FIS1: variants seen among roughly 807,000 people sequenced by gnomAD.
The protein encoded by FIS1 is mitochondrial fission 1 protein.
Under a neutral mutation model 21.6 loss-of-function variants are expected in FIS1, and 16 were observed. The ratio of observed to expected loss-of-function variants is 0.74; its 90% CI spans 0.50 to 1.12. The LOEUF (loss-of-function observed/expected upper bound fraction) is 1.12. Among genes scored for constraint, FIS1 ranks in the 50% most tolerant of loss-of-function variants. The pLI, the probability that FIS1 is intolerant of heterozygous loss-of-function variation, is 0.00. For synonymous variants in FIS1, 92 were observed against 82.2 expected, an observed-to-expected ratio of 1.12 and a Z score of -0.65; for missense variants, 198 against 190.9, an observed-to-expected ratio of 1.04 and a Z score of -0.22.
chr7:101,243,871 A>C, intron 2 of FIS1, 136 bp downstream of exon 2: 2 of 1,172,282 alleles, frequency 1.7e-6, no homozygotes, highest in Non-Finnish European at 2.3e-6. Flanking sequence ...CCAAAAGTTC[A>C]CTGGGAGACG....
intron 2 of FIS1, among the ~76,000 whole-genome samples, 155 bp downstream of exon 2, chr7:101,243,852 G>A (rs987395327): frequency 2.0e-5 from 3 of 152,172 alleles, no homozygotes; most frequent in Non-Finnish European, 4.4e-5. Context: ...AATGGTGGGC[G>A]GTAAGTAGCC....
rs776529563 is a variant in FIS1 at position 101,239,835 on chromosome 7, C to G, written c.430G>C (p.Gly144Arg). 1.1e-5 allele frequency: 17 copies of G among 1,596,516 alleles called. No individual in the cohort carries two copies. The highest frequency in any genetic ancestry group is 1.5e-5 in the Non-Finnish European group (17 of 1,171,470). ...LGVAGLAGLI[G>R]LAVSKSKS ...GATTTGGACTTGGACACAGCAAGTCCGATGAGTCCGGCCAGTCCCGCCACA... is the reference window on the plus strand; with the variant it reads ...GATTTGGACTTGGACACAGCAAGTCGGATGAGTCCGGCCAGTCCCGCCACA... Residue 144 changes from glycine (G) to arginine (R), a missense_variant, in exon 5 of 5, where the codon GGA becomes CGA. By Grantham distance (125) the Gly-to-Arg change is moderately radical (BLOSUM62 -2). Transcript: ENST00000223136.
At position 101,239,744 on chromosome 7, in the gene FIS1, G is replaced by A. The variant is rs1798708973; in HGVS notation, c.*62C>T. ...AGACGGGGGGCAGGGGGAGAACAGG[G>A]AAAGGACAGCGAGGATGGACAGGCC... On this transcript the variant is annotated 3_prime_UTR_variant, in exon 5 of 5. Coordinates refer to ENST00000223136, the MANE Select transcript of FIS1 (RefSeq NM_016068.3). 1.4e-6 allele frequency: 2 copies of A among 1,392,616 alleles called. No homozygotes were observed. The highest frequency in any genetic ancestry group is 1.4e-5 in the African/African-American group (1 of 70,148). The allele number at this position is 1,392,616 out of a possible 1,614,324, so 86.3% of individuals were successfully genotyped here.
chr7:101,244,807 G>A, intron 1 of FIS1, 153 bp downstream of exon 1: 1 of 872,032 alleles, frequency 1.1e-6, no homozygotes, highest in South Asian at 1.6e-5. Flanking sequence ...CAGGCCCTCC[G>A]GGCAGGAGCC....
At position 101,239,685 on chromosome 7, in the gene FIS1, G is replaced by A. The variant is rs868207804; in HGVS notation, c.*121C>T. 2.4e-6 allele frequency: 2 copies of A among 819,062 alleles called. No individual in the cohort carries two copies. Among genetic ancestry groups the A allele is most frequent in the African/African-American group, 1.7e-5 (1 of 59,292 alleles). 50.7% of individuals were successfully genotyped at this position (819,062 alleles called of 1,614,324 possible). On this transcript the variant is annotated 3_prime_UTR_variant, in exon 5 of 5. Coordinates refer to ENST00000223136, the MANE Select transcript of FIS1 (RefSeq NM_016068.3). ...ATGGGGCTGAAGGACGAATCTCAGG[G>A]GAGCAGAAATTAGCTGAAGGCCACA...
At chr7:101,240,991 C>T in intron 2 of FIS1, 85 bp from the exon 3 acceptor site, 1 of 1,300,154 alleles carries the variant, frequency 7.7e-7, no homozygotes. Flanking sequence ...CTTCCACTCT[C>T]TGAATGCCTC....
intron 2 of FIS1, 62 bp downstream of exon 2, chr7:101,243,945 A>G: frequency 6.4e-7 from 1 of 1,553,904 alleles, no homozygotes. Flanking sequence ...TGCCTGGACT[A>G]CGGGGCCCAC....
At chr7:101,241,210 A>T (rs749338412) in intron 2 of FIS1, 3 of 349,162 alleles carry the variant, frequency 8.6e-6, no homozygotes, top group Non-Finnish European at 1.6e-5. Context: ...AGCGTGACTC[A>T]GTTTTGGCAT....
At chr7:101,242,936 A>C (rs999834919) in intron 2 of FIS1, among the ~76,000 whole-genome samples, 17 of 151,686 alleles carry the variant, frequency 1.1e-4, no homozygotes, top group African/African-American at 3.6e-4. Context: ...TTTTCTTGCC[A>C]TTATTCCCTA....
chr7:101,239,556 C>G lies in FIS1; in HGVS notation c.*250G>C. 1.8e-6 allele frequency: 1 copy of G among 569,934 alleles called. No homozygotes were observed. Among genetic ancestry groups the G allele is most frequent in the Non-Finnish European group, 3.2e-6 (1 of 310,094 alleles). The allele number at this position is 569,934 out of a possible 1,614,324, so 35.3% of individuals were successfully genotyped here. ...AGGAGAGGACCAGGAGTGACGTCTC[C>G]GCCCCCTGTGCCCAGCGTTCAGAAC... On this transcript the variant is annotated 3_prime_UTR_variant, in exon 5 of 5. Transcript: ENST00000223136.
At position 101,240,217 on chromosome 7, in the gene FIS1, C is replaced by A; in HGVS notation, c.286G>T (p.Gly96Trp). ...EYEKALKYVR[G>W]LLQTEPQNNQ... ...TTCTGGGGCTCTGTCTGCAGCAACC[C>A]GCGGACGTACTTTAAGGCCTTCTCG... The change falls in exon 4 of 5, where the codon GGG becomes TGG. Residue 96 changes from glycine (G) to tryptophan (W), a missense_variant. Transcript: ENST00000223136. 6.2e-7 allele frequency: 1 copy of A among 1,614,208 alleles called. No homozygotes were observed. Among genetic ancestry groups the A allele is most frequent in the Non-Finnish European group, 8.5e-7 (1 of 1,180,032 alleles).
intron 2 of FIS1, 79 bp from the exon 3 acceptor site, chr7:101,240,985 C>T (rs1394583601): frequency 8.5e-6 from 12 of 1,407,638 alleles, no homozygotes; most frequent in Admixed American, 1.8e-5. Flanking sequence ...AGGCCCCTTC[C>T]ACTCTCTGAA....
In FIS1 at chr7:101,240,600, C is replaced by T. The variant is rs534402973; in HGVS notation, c.255+230G>A. On this transcript the variant is annotated intron_variant, in intron 3 of 4. Coordinates refer to ENST00000223136, the MANE Select transcript of FIS1 (RefSeq NM_016068.3). ...GAGTAGAGTCCACAAACAACCCCAA[C>T]TCTGCGGGAGATAACAGCGCAAGGC... 1.7e-4 allele frequency among the ~76,000 whole-genome samples: 26 copies of T among 152,352 alleles called. 1 individual carries two copies. In the Middle Eastern group the frequency reaches 0.017, roughly 100 times the overall value.
chr7:101,242,277 G>A lies in FIS1; in HGVS notation c.179-1371C>T, dbSNP rs150295099. On this transcript the variant is annotated intron_variant, in intron 2 of 4. Coordinates refer to ENST00000223136, the MANE Select transcript of FIS1 (RefSeq NM_016068.3). The stretch of plus-strand genomic sequence containing the variant: ...TTCCCAGAGGATAACTGTACTGTAT[G>A]CACTAGAATTTGTTGCTAAATAATT... Among the ~76,000 whole-genome samples, 1,002 of 152,220 alleles carry A rather than the reference G, an allele frequency of 6.6e-3. 4 individuals carry two copies. Among genetic ancestry groups the A allele is most frequent in the Non-Finnish European group, 9.2e-3 (626 of 68,004 alleles).
chr7:101,240,978 C>G, intron 2 of FIS1, 72 bp from the exon 3 acceptor site: 1 of 1,456,032 alleles, frequency 6.9e-7, no homozygotes, highest in African/African-American at 1.4e-5. Context: ...GTCCCAGAGG[C>G]CCCTTCCACT....
At position 101,239,723 on chromosome 7, in the gene FIS1, G is replaced by C. The variant is rs199617344; in HGVS notation, c.*83C>G. 6.0e-6 allele frequency: 7 copies of C among 1,161,318 alleles called. No homozygotes were observed. In the South Asian group the frequency reaches 7.9e-5, roughly 13 times the overall value. 71.9% of individuals were successfully genotyped at this position (1,161,318 alleles called of 1,614,324 possible). On this transcript the variant is annotated 3_prime_UTR_variant, in exon 5 of 5. Coordinates refer to ENST00000223136, the MANE Select transcript of FIS1 (RefSeq NM_016068.3). ...GCTGAAGGCCACAGAGGATAGAGAC[G>C]GGGGGCAGGGGGAGAACAGGGAAAG...
chr7:101,243,244 C>T, intron 2 of FIS1, among the ~76,000 whole-genome samples: 1 of 152,122 alleles, frequency 6.6e-6, no homozygotes, highest in East Asian at 1.9e-4. Context: ...CAAATGATGA[C>T]CCACCTAAAA....
At position 101,240,851 on chromosome 7, in the gene FIS1, G is replaced by C. The variant is rs544751334; in HGVS notation, c.234C>G (p.Ala78=). The C allele has an allele frequency of 6.8e-6, 11 of 1,614,042 alleles. No individual in the cohort carries two copies. The Admixed American group carries it at 8.3e-5, about 12-fold the overall frequency. Residue 78 remains alanine (A), a synonymous_variant, in exon 3 of 5, where the codon GCC becomes GCG. Coordinates refer to ENST00000223136, the MANE Select transcript of FIS1 (RefSeq NM_016068.3). The part of the protein sequence containing the change: ...EEQRDYVFYL[A]VGNYRLKEYE... ...TCACCTTGAGCCGGTAGTTCCCCAC[G>C]GCCAGGTAGAAGACGTAATCCCGCT...
Position 101,240,188 on chromosome 7 carries a change from G to A in FIS1, c.315C>T (p.Asn105=). 6.2e-7 allele frequency: 1 copy of A among 1,614,202 alleles called. No homozygotes were observed. Among genetic ancestry groups the A allele is most frequent in the Non-Finnish European group, 8.5e-7 (1 of 1,180,034 alleles). ...TGAGCCGCTCCAGTTCCTTGGCCTG[G>A]TTGTTCTGGGGCTCTGTCTGCAGCA... ...RGLLQTEPQN[N]QAKELERLID... is the part of the protein sequence containing the mutation. The change falls in exon 4 of 5, where the codon AAC becomes AAT. Residue 105 remains asparagine, a synonymous_variant. Transcript: ENST00000223136.
Sources: gnomAD v4.1 joint callset for allele counts (sites outside exome capture counted in the v4.1 genomes callset) on GRCh38, gnomAD v4.1.1 for gene constraint, MANE v1.5 for transcripts, NCBI Gene and HGNC (gene_info 2026-07-23, HGNC 2026-07-21) for gene names.